Variants in LYZL2 observed in about 807,000 individuals in gnomAD.
LYZL2 encodes lysozyme-like protein 2.
A neutral mutation model predicts 17.1 loss-of-function variants in LYZL2; 13 were observed. The observed-to-expected ratio is 0.76, with a 90% CI of 0.49 to 1.21. The LOEUF (loss-of-function observed/expected upper bound fraction) is 1.21, where lower values mean the gene tolerates loss of function less well. Among genes scored for constraint, LYZL2 ranks in the 50% most tolerant of loss-of-function variants. LYZL2 has a pLI of 0.00. For synonymous variants in LYZL2, 63 were observed against 74.4 expected (o/e 0.85, Z 0.79); for missense variants, 166 against 189.2 (o/e 0.88, Z 0.72).
downstream of LYZL2, among the ~76,000 whole-genome samples, chr10:30,609,937 G>C (rs891819196): frequency 6.6e-6 from 1 of 152,136 alleles, no homozygotes; most frequent in Non-Finnish European, 1.5e-5. Context: ...TTTGCAAAAA[G>C]ATACATGAGT....
Position 30,615,311 on chromosome 10 carries a change from C to T in LYZL2, c.299-2411G>A, listed in dbSNP as rs190004255. On this transcript the variant is annotated intron_variant, in intron 3 of 4. Coordinates refer to ENST00000647634, the MANE Select transcript of LYZL2 (RefSeq NM_183058.3). Reference sequence around the variant, plus strand: ...GAAAGACAAATACCACATGATTTCACGCATATGCAAAATCTACAAAAGTTG... The same window carrying T: ...GAAAGACAAATACCACATGATTTCATGCATATGCAAAATCTACAAAAGTTG... Among the ~76,000 whole-genome samples, 210 of 152,254 alleles carry T rather than the reference C, an allele frequency of 1.4e-3. 2 individuals carry two copies. The highest frequency in any genetic ancestry group is 3.2e-3 in the African/African-American group (133 of 41,522).
At chr10:30,627,773 A>AC (rs1838739141) in intron 1 of LYZL2, among the ~76,000 whole-genome samples, 1 of 152,146 alleles carries the variant, frequency 6.6e-6, no homozygotes, top group Non-Finnish European at 1.5e-5. Flanking sequence ...CCCGACCCCT[A>AC]CATTTGTTCA....
At chr10:30,624,090 T>C (rs1222738233) in intron 3 of LYZL2, among the ~76,000 whole-genome samples, 1 of 152,194 alleles carries the variant, frequency 6.6e-6, no homozygotes, top group African/African-American at 2.4e-5. Flanking sequence ...GAGTATGTTT[T>C]CCTATAGTTT....
At chr10:30,615,040 A>T (rs1838505461) in intron 3 of LYZL2, among the ~76,000 whole-genome samples, 1 of 152,254 alleles carries the variant, frequency 6.6e-6, no homozygotes, top group Admixed American at 6.5e-5. Context: ...CTCCCAATGC[A>T]ATGTTAAGTT....
At chr10:30,626,693 C>A in intron 2 of LYZL2, 84 bp downstream of exon 2, 2 of 1,575,730 alleles carry the variant, frequency 1.3e-6, no homozygotes, top group Non-Finnish European at 8.6e-7. Context: ...GTTGGGGAGA[C>A]ACAGCAGGGA....
downstream of LYZL2, among the ~76,000 whole-genome samples, chr10:30,609,358 G>A (rs1208349686): frequency 6.6e-6 from 1 of 152,156 alleles, no homozygotes; most frequent in African/African-American, 2.4e-5. Context: ...ATGTTGGCTG[G>A]GTCAGGCTTG....
chr10:30,612,889 C>G lies in LYZL2; in HGVS notation c.310G>C (p.Asp104His). The G allele has an allele frequency of 6.2e-7, 1 of 1,613,830 alleles. No individual in the cohort carries two copies. Among genetic ancestry groups the G allele is most frequent in the Non-Finnish European group, 8.5e-7 (1 of 1,179,722 alleles). ...CAGATAATCGCATCTGTGAGGTCAT[C>G]AGTGACCAAGGCTGTAAAAAGAGAG... is the stretch of plus-strand genomic sequence containing the variant. ...CHVACSALVTDDLTDAIICAK... is the reference protein window; with the variant it reads ...CHVACSALVTHDLTDAIICAK... Residue 104 changes from aspartate (D) to histidine (H), a missense_variant, in exon 4 of 5, where the codon GAT becomes CAT. By Grantham distance (81) the Asp-to-His change is moderately conservative. Coordinates refer to ENST00000647634, the MANE Select transcript of LYZL2 (RefSeq NM_183058.3).
intron 3 of LYZL2, among the ~76,000 whole-genome samples, chr10:30,623,323 C>T (rs1390092099): frequency 1.3e-5 from 2 of 152,130 alleles, no homozygotes; most frequent in Non-Finnish European, 2.9e-5. Context: ...AATGCACATT[C>T]ACCGTAAGAC....
At chr10:30,621,516 C>T (rs1838618869) in intron 3 of LYZL2, among the ~76,000 whole-genome samples, 1 of 151,890 alleles carries the variant, frequency 6.6e-6, no homozygotes, top group Non-Finnish European at 1.5e-5. Flanking sequence ...TCCAGGAGGT[C>T]AAGGCTGCAG....
chr10:30,614,314 A>T (rs568881904), intron 3 of LYZL2, among the ~76,000 whole-genome samples: 1 of 152,366 alleles, frequency 6.6e-6, no homozygotes, highest in African/African-American at 2.4e-5. Context: ...ACGCAGACCC[A>T]GCAATTCATT....
intron 4 of LYZL2, 98 bp downstream of exon 4, chr10:30,612,724 C>T (rs918345654): frequency 1.1e-6 from 1 of 889,222 alleles, no homozygotes; most frequent in Non-Finnish European, 1.8e-6. Flanking sequence ...TTGGACCACT[C>T]TGCGGAGGTG....
At chr10:30,625,030 A>G (rs184952606) in intron 3 of LYZL2, among the ~76,000 whole-genome samples, 1 of 152,260 alleles carries the variant, frequency 6.6e-6, no homozygotes, top group Non-Finnish European at 1.5e-5. Flanking sequence ...GCAAGCAACA[A>G]GGATCTCAGT....
At chr10:30,626,607 G>A (rs1838710908) in intron 2 of LYZL2, among the ~76,000 whole-genome samples, 170 bp downstream of exon 2, 1 of 152,134 alleles carries the variant, frequency 6.6e-6, no homozygotes, top group African/African-American at 2.4e-5. Flanking sequence ...GGGCAGGGGA[G>A]GAAGGAGAGG....
At chr10:30,614,440 C>G (rs1346407096) in intron 3 of LYZL2, among the ~76,000 whole-genome samples, 1 of 152,186 alleles carries the variant, frequency 6.6e-6, no homozygotes, top group Non-Finnish European at 1.5e-5. Flanking sequence ...TGGGTCACCC[C>G]GGAAGGGAGC....
downstream of LYZL2, among the ~76,000 whole-genome samples, chr10:30,610,452 C>T (rs1838418986): frequency 6.6e-6 from 1 of 152,088 alleles, no homozygotes; most frequent in Admixed American, 6.6e-5. Context: ...AACAGAAAAC[C>T]AAACACCACA....
At chr10:30,627,079 A>G (rs1838725295) in intron 1 of LYZL2, 139 bp from the exon 2 acceptor site, 5 of 1,259,218 alleles carry the variant, frequency 4.0e-6, no homozygotes, top group African/African-American at 3.1e-5. Flanking sequence ...AAAACCGGCC[A>G]CTCTACGGTC....
chr10:30,619,326 G>A (rs1050870862), intron 3 of LYZL2, among the ~76,000 whole-genome samples: 29 of 152,042 alleles, frequency 1.9e-4, no homozygotes, highest in Non-Finnish European at 3.4e-4. Flanking sequence ...CCCATTACTG[G>A]GTATATACCC....
At chr10:30,622,022 G>A (rs566975157) in intron 3 of LYZL2, among the ~76,000 whole-genome samples, 1 of 152,232 alleles carries the variant, frequency 6.6e-6, no homozygotes, top group South Asian at 2.1e-4. Context: ...AAACTCATAC[G>A]TTACATATGA....
At chr10:30,614,423 A>C (rs1044152872) in intron 3 of LYZL2, among the ~76,000 whole-genome samples, 22 of 152,204 alleles carry the variant, frequency 1.4e-4, no homozygotes, top group Non-Finnish European at 2.8e-4. Context: ...TCACACGTCA[A>C]TGGGTGTGGG....
Sources: gnomAD v4.1 joint callset for allele counts (sites outside exome capture counted in the v4.1 genomes callset) on GRCh38, gnomAD v4.1.1 for gene constraint, MANE v1.5 for transcripts, NCBI Gene and HGNC (gene_info 2026-07-23, HGNC 2026-07-21) for gene names.